The following POMT2 variants were observed in gnomAD, a reference collection of about 807,000 sequenced individuals.
The protein encoded by POMT2 is protein O-mannosyl-transferase 2.
In POMT2, 75 loss-of-function variants were observed where a neutral mutation model predicts 100.0. The ratio of observed to expected loss-of-function variants is 0.75; its 90% CI spans 0.62 to 0.91. The LOEUF is 0.91. Ranked by LOEUF, POMT2 falls within the 40% of genes least tolerant of loss-of-function variation. The probability of loss-of-function intolerance (pLI) is 0.00; values close to 1 mark genes in which losing one functional copy is unlikely to be tolerated. For synonymous variants in POMT2, 378 were observed against 374.1 expected, an observed-to-expected ratio of 1.01 and a Z score of -0.12; for missense variants, 940 against 955.1, an observed-to-expected ratio of 0.98 and a Z score of 0.21.
At chr14:77,284,027 T>C (rs1890327879) in intron 14 of POMT2, 154 bp from the exon 15 acceptor site, 1 of 716,780 alleles carries the variant, frequency 1.4e-6, no homozygotes, top group Non-Finnish European at 2.5e-6. Context: ...CAATTCTTGA[T>C]CATTTACTTA....
At chr14:77,304,362 T>C (rs1022195104) in intron 4 of POMT2, among the ~76,000 whole-genome samples, 1 of 152,224 alleles carries the variant, frequency 6.6e-6, no homozygotes, top group African/African-American at 2.4e-5. Flanking sequence ...AAAATTAGAA[T>C]TATAAGCTTC....
chr14:77,315,540 A>G (rs1891593406), intron 1 of POMT2, among the ~76,000 whole-genome samples: 1 of 152,250 alleles, frequency 6.6e-6, no homozygotes, highest in Non-Finnish European at 1.5e-5. Context: ...TCTTCAATGT[A>G]CTATTCCTGT....
At chr14:77,285,689 G>T in intron 12 of POMT2, 57 bp from the exon 13 acceptor site, 2 of 1,566,004 alleles carry the variant, frequency 1.3e-6, no homozygotes, top group South Asian at 2.2e-5. Flanking sequence ...TAGAGAAAAC[G>T]TGTCAGAAAG....
rs771995900 is a variant in POMT2, at chr14:77,301,235, G to T, written c.671C>A (p.Pro224His). ...AGTCAGGCTGAGCCAGAACCACCAG[G>T]GGGCAGAGAAGGGCCTGAAAATCAA... The part of the protein sequence containing the change: ...NSCADRPFSA[P>H]WWFWLSLTGV... Residue 224 changes from proline to histidine, a missense_variant, in exon 6 of 21, where the codon CCC (proline) becomes CAC (histidine). Transcript: ENST00000261534. 6.2e-7 allele frequency: 1 copy of T among 1,614,166 alleles called. No homozygotes were observed. Among genetic ancestry groups the T allele is most frequent in the Non-Finnish European group, 8.5e-7 (1 of 1,180,028 alleles).
intron 2 of POMT2, among the ~76,000 whole-genome samples, chr14:77,309,705 T>G (rs531509093): frequency 6.6e-6 from 1 of 152,086 alleles, no homozygotes; most frequent in African/African-American, 2.4e-5. Context: ...ATTTTTGAGA[T>G]GGAGTCTTGC....
intron 2 of POMT2, among the ~76,000 whole-genome samples, chr14:77,311,421 T>C (rs1029062804): frequency 1.3e-5 from 2 of 152,260 alleles, no homozygotes; most frequent in African/African-American, 4.8e-5. Flanking sequence ...TGTGCAATCA[T>C]CACCACTACC....
intron 1 of POMT2, among the ~76,000 whole-genome samples, chr14:77,316,125 G>A (rs1385742649): frequency 6.6e-6 from 1 of 152,182 alleles, no homozygotes; most frequent in African/African-American, 2.4e-5. Context: ...CTTTTTAAAA[G>A]GACAGCTATT....
chr14:77,296,112 T>A (rs1196675388), intron 9 of POMT2, 52 bp downstream of exon 9: 7 of 1,358,652 alleles, frequency 5.2e-6, no homozygotes, highest in Non-Finnish European at 3.1e-6. Context: ...GAGAGTGAAC[T>A]GTCATGGCGA....
intron 9 of POMT2, among the ~76,000 whole-genome samples, chr14:77,292,640 T>C (rs1449270951): frequency 6.6e-6 from 1 of 152,240 alleles, no homozygotes; most frequent in Non-Finnish European, 1.5e-5. Flanking sequence ...TTTATAGTCA[T>C]ATGCCACATA....
In POMT2 at chr14:77,320,670, G is replaced by A; in HGVS notation, c.12C>T (p.Ala4=). Residue 4 remains alanine, a synonymous_variant, in exon 1 of 21, where the codon GCC becomes GCT. Coordinates refer to ENST00000261534, the MANE Select transcript of POMT2 (RefSeq NM_013382.7). ...CGGACTCTGCCAGGCCTCCGCCCGT[G>A]GCCGGCGGCATCTTCCCCCTCCTCT... MPP[A]TGGGLAESEL... 1 of 1,593,524 alleles carries A rather than the reference G, an allele frequency of 6.3e-7. No homozygotes were observed. Among genetic ancestry groups the A allele is most frequent in the Non-Finnish European group, 8.5e-7 (1 of 1,178,146 alleles).
intron 15 of POMT2, among the ~76,000 whole-genome samples, chr14:77,282,672 G>A (rs1665389099): frequency 1.3e-5 from 2 of 152,162 alleles, no homozygotes; most frequent in African/African-American, 4.8e-5. Context: ...CAGAAAGGAA[G>A]TGACCCAGAG....
chr14:77,299,858 G>C lies in POMT2; in HGVS notation c.817-297C>G, dbSNP rs533323544. On this transcript the variant is annotated intron_variant, in intron 6 of 20. Coordinates refer to ENST00000261534, the MANE Select transcript of POMT2 (RefSeq NM_013382.7). ...GCATCTGCAACACAGTTGCTCACCA[G>C]TCCGCTCCATGTTCCAGGTACACTA... The C allele has an allele frequency of 8.7e-4, 339 of 387,936 alleles. 2 individuals carry two copies. The highest frequency in any genetic ancestry group is 7.0e-3 in the South Asian group (332 of 47,244). 24.0% of individuals were successfully genotyped at this position (387,936 alleles called of 1,614,324 possible).
At chr14:77,280,486 G>A (rs777502211) in intron 15 of POMT2, 23 bp from the exon 16 acceptor site, 4 of 1,614,066 alleles carry the variant, frequency 2.5e-6, no homozygotes, top group South Asian at 1.1e-5. Context: ...AGCAAAGAAA[G>A]CTAGTCAAGA....
chr14:77,279,693 G>A, intron 18 of POMT2, 130 bp downstream of exon 18: 2 of 934,536 alleles, frequency 2.1e-6, no homozygotes. Flanking sequence ...CCTTTCAAAA[G>A]CAAAGGATAA....
chr14:77,280,047 A>G lies in POMT2; in HGVS notation c.1759T>C (p.Phe587Leu). ...GGGTTGCCAAGCAGATAGACTCGGA[A>G]ATCTGTGTCATTGACCCCTGAGAAG... ...LRFSGVNDTD[F>L]RVYLLGNPVV... Residue 587 changes from phenylalanine (F) to leucine (L), a missense_variant, in exon 17 of 21, where the codon TTC becomes CTC. Transcript: ENST00000261534. The G allele has an allele frequency of 6.2e-7, 1 of 1,613,950 alleles. No individual in the cohort carries two copies. Among genetic ancestry groups the G allele is most frequent in the South Asian group, 1.1e-5 (1 of 91,082 alleles).
intron 5 of POMT2, 79 bp downstream of exon 5, chr14:77,302,756 G>C (rs1229233065): frequency 8.3e-7 from 1 of 1,201,590 alleles, no homozygotes; most frequent in Non-Finnish European, 1.2e-6. Context: ...CTGGGCACCC[G>C]CCCTGGCCCT....
chr14:77,281,275 T>C (rs1391588321), intron 15 of POMT2, among the ~76,000 whole-genome samples: 2 of 152,202 alleles, frequency 1.3e-5, no homozygotes, highest in African/African-American at 4.8e-5. Context: ...ACTGCCCCTC[T>C]ACCAGGAGCC....
chr14:77,277,185 C>A lies in POMT2; in HGVS notation c.*191G>T. The A allele has an allele frequency of 4.8e-6, 3 of 620,040 alleles. No individual in the cohort carries two copies. The Admixed American group carries it at 6.9e-5, about 14-fold the overall frequency. 38.4% of individuals were successfully genotyped at this position (620,040 alleles called of 1,614,324 possible). ...CCTCTCCGTGGTGCTGTGGACGGAG[C>A]TGCGGCTCTCTCCCGGCTCTCTCCA... On this transcript the variant is annotated 3_prime_UTR_variant, in exon 21 of 21. Coordinates refer to ENST00000261534, the MANE Select transcript of POMT2 (RefSeq NM_013382.7).
chr14:77,291,546 T>C lies in POMT2; in HGVS notation c.1117-166A>G, dbSNP rs1320529335. The C allele has an allele frequency of 2.3e-5, 20 of 851,464 alleles. No homozygotes were observed. In the East Asian group the frequency reaches 5.3e-4, roughly 23 times the overall value. 52.7% of individuals were successfully genotyped at this position (851,464 alleles called of 1,614,324 possible). On this transcript the variant is annotated intron_variant, in intron 9 of 20. Coordinates refer to ENST00000261534, the MANE Select transcript of POMT2 (RefSeq NM_013382.7). ...GCCATGTTTCCCAATGGGGCTCATA[T>C]GTAGCACTGGTGAGTGAGATTCTCT...
Sources: gnomAD v4.1 joint callset for allele counts (sites outside exome capture counted in the v4.1 genomes callset) on GRCh38, gnomAD v4.1.1 for gene constraint, MANE v1.5 for transcripts, NCBI Gene and HGNC (gene_info 2026-07-23, HGNC 2026-07-21) for gene names.